LHFPL2: variants seen among roughly 807,000 people sequenced by gnomAD.
The protein encoded by LHFPL2 is LHFPL tetraspan subfamily member 2 protein.
In LHFPL2, 7 loss-of-function variants were observed where a neutral mutation model predicts 17.5. The observed-to-expected ratio is 0.40, with a 90% CI of 0.23 to 0.75. The LOEUF is 0.75. Among genes scored for constraint, LHFPL2 ranks in the 30% least tolerant of loss-of-function variants. LHFPL2 has a pLI of 0.37. For synonymous variants in LHFPL2, 134 were observed against 116.2 expected, an observed-to-expected ratio of 1.15 and a Z score of -0.99; for missense variants, 241 against 294.8, an observed-to-expected ratio of 0.82 and a Z score of 1.34.
rs1755466858 is a variant in LHFPL2 at position 78,521,826 on chromosome 5, T to A, written c.-185-11428A>T. Among the ~76,000 whole-genome samples, 4 of 152,314 alleles carry A rather than the reference T, an allele frequency of 2.6e-5. 1 individual carries two copies. In the South Asian group the frequency reaches 8.3e-4, roughly 32 times the overall value. On this transcript the variant is annotated intron_variant, in intron 3 of 4. Transcript: ENST00000380345. ...GCCATTTAGCAGAGATGGGCATTCA[T>A]AAAAGGAAGTGCTGAACCATCTCAG...
At chr5:78,492,710 C>T (rs1754485365) in intron 4 of LHFPL2, among the ~76,000 whole-genome samples, 1 of 152,202 alleles carries the variant, frequency 6.6e-6, no homozygotes, top group Admixed American at 6.5e-5. Flanking sequence ...ATAAGAGTGC[C>T]ATGCTTGTGA....
intron 3 of LHFPL2, among the ~76,000 whole-genome samples, chr5:78,545,319 T>C (rs1305673207): frequency 6.6e-6 from 1 of 152,160 alleles, no homozygotes; most frequent in Admixed American, 6.6e-5. Flanking sequence ...TTGTCTGCTA[T>C]AGAATCAAGA....
In LHFPL2 at chr5:78,501,351, G is replaced by A. The variant is rs182367958; in HGVS notation, c.430+8433C>T. Among the ~76,000 whole-genome samples the A allele has an allele frequency of 1.2e-3, 179 of 152,266 alleles. 1 individual carries two copies. The highest frequency in any genetic ancestry group is 4.2e-3 in the African/African-American group (173 of 41,556). ...CTTACTAAACTTCCTTGATTTTGCCGTGAAATGGGAGAAGCCTTAGCACAG... is the reference window on the plus strand; with the variant it reads ...CTTACTAAACTTCCTTGATTTTGCCATGAAATGGGAGAAGCCTTAGCACAG... On this transcript the variant is annotated intron_variant, in intron 4 of 4. Transcript: ENST00000380345.
chr5:78,489,776 T>C (rs1580737075), intron 4 of LHFPL2, among the ~76,000 whole-genome samples: 1 of 152,234 alleles, frequency 6.6e-6, no homozygotes, highest in African/African-American at 2.4e-5. Context: ...ATGTTAACTT[T>C]ATAAGTAAAG....
At chr5:78,569,651 T>A (rs1293114300) in intron 2 of LHFPL2, among the ~76,000 whole-genome samples, 1 of 152,172 alleles carries the variant, frequency 6.6e-6, no homozygotes, top group Non-Finnish European at 1.5e-5. Flanking sequence ...ATGAACCGTC[T>A]ACCAAGCACA....
intron 2 of LHFPL2, among the ~76,000 whole-genome samples, chr5:78,608,523 T>C (rs1015168189): frequency 3.3e-5 from 5 of 151,608 alleles, no homozygotes; most frequent in African/African-American, 9.7e-5. Flanking sequence ...TTTTGGTTTT[T>C]AACTACTGAA....
At chr5:78,493,997 G>A (rs1448543048) in intron 4 of LHFPL2, among the ~76,000 whole-genome samples, 1 of 152,152 alleles carries the variant, frequency 6.6e-6, no homozygotes, top group Non-Finnish European at 1.5e-5. Flanking sequence ...TTTGGACTGG[G>A]TTTCACATGA....
At chr5:78,558,503 C>G (rs1756640791) in intron 3 of LHFPL2, among the ~76,000 whole-genome samples, 1 of 140,162 alleles carries the variant, frequency 7.1e-6, no homozygotes, top group Non-Finnish European at 1.5e-5. Context: ...CTGATCACAA[C>G]AAAACTATAC....
At chr5:78,518,526 G>T (rs1755353904) in intron 3 of LHFPL2, among the ~76,000 whole-genome samples, 1 of 152,216 alleles carries the variant, frequency 6.6e-6, no homozygotes, top group Non-Finnish European at 1.5e-5. Context: ...GCTTCCAAAG[G>T]GATGCACACT....
rs554709017 is a variant in LHFPL2 at position 78,569,263 on chromosome 5, T to C, written c.-244-4392A>G. Among the ~76,000 whole-genome samples, 5 of 152,342 alleles carry C rather than the reference T, an allele frequency of 3.3e-5. No homozygotes were observed. In the South Asian group the frequency reaches 1.0e-3, roughly 32 times the overall value. ...CTACCTGACTAGGAAGAGCTCATTA[T>C]ATTTTCAGTAGACACACTCTCTAAG... On this transcript the variant is annotated intron_variant, in intron 2 of 4. Coordinates refer to ENST00000380345, the MANE Select transcript of LHFPL2 (RefSeq NM_005779.3).
At chr5:78,505,615 A>T (rs1754909466) in intron 4 of LHFPL2, among the ~76,000 whole-genome samples, 1 of 152,194 alleles carries the variant, frequency 6.6e-6, no homozygotes, top group African/African-American at 2.4e-5. Context: ...GCTCTTAAGG[A>T]CAGGGAAGGC....
intron 3 of LHFPL2, among the ~76,000 whole-genome samples, chr5:78,520,064 C>T (rs899216163): frequency 2.0e-5 from 3 of 151,954 alleles, no homozygotes; most frequent in Non-Finnish European, 2.9e-5. Context: ...AAAGTCGCTG[C>T]CACGCTTTTT....
intron 2 of LHFPL2, among the ~76,000 whole-genome samples, chr5:78,601,345 G>C (rs1403945466): frequency 6.6e-6 from 1 of 152,144 alleles, no homozygotes; most frequent in Non-Finnish European, 1.5e-5. Flanking sequence ...AGTTGAGAAG[G>C]CAGGTCCCAG....
chr5:78,495,969 A>C (rs1026628085), intron 4 of LHFPL2, among the ~76,000 whole-genome samples: 22 of 152,156 alleles, frequency 1.4e-4, no homozygotes, highest in African/African-American at 5.3e-4. Context: ...ACCCCCTTGG[A>C]CGCTCACGCA....
At chr5:78,504,735 G>C (rs767227575) in intron 4 of LHFPL2, among the ~76,000 whole-genome samples, 3 of 152,078 alleles carry the variant, frequency 2.0e-5, no homozygotes, top group Non-Finnish European at 2.9e-5. Context: ...TTCCAAGAAG[G>C]CTGAGCCTGC....
At chr5:78,556,184 G>A (rs1209768697) in intron 3 of LHFPL2, among the ~76,000 whole-genome samples, 1 of 152,154 alleles carries the variant, frequency 6.6e-6, no homozygotes, top group Non-Finnish European at 1.5e-5. Flanking sequence ...CCCCTCAAAC[G>A]TAGGACACTT....
chr5:78,499,927 C>A (rs1368610260), intron 4 of LHFPL2, among the ~76,000 whole-genome samples: 1 of 151,052 alleles, frequency 6.6e-6, no homozygotes, highest in Non-Finnish European at 1.5e-5. Context: ...CAGGTCAGAA[C>A]AATTTAAGGC....
intron 2 of LHFPL2, among the ~76,000 whole-genome samples, chr5:78,588,092 T>A (rs1456323283): frequency 2.6e-5 from 4 of 152,246 alleles, no homozygotes; most frequent in Admixed American, 2.6e-4. Context: ...GCTGGATCTA[T>A]CTTTTCTAAT....
intron 3 of LHFPL2, among the ~76,000 whole-genome samples, chr5:78,552,027 C>G (rs1756456932): frequency 6.6e-6 from 1 of 152,154 alleles, no homozygotes; most frequent in Admixed American, 6.5e-5. Flanking sequence ...CAAAAATGGG[C>G]AATTTCCCCT....
Sources: gnomAD v4.1 joint callset for allele counts (sites outside exome capture counted in the v4.1 genomes callset) on GRCh38, gnomAD v4.1.1 for gene constraint, MANE v1.5 for transcripts, NCBI Gene and HGNC (gene_info 2026-07-23, HGNC 2026-07-21) for gene names.